SQLE: variants seen among roughly 807,000 people sequenced by gnomAD.
SQLE encodes the protein squalene monooxygenase.
In SQLE, 29 loss-of-function variants were observed where a neutral mutation model predicts 60.7. That is an observed-to-expected ratio of 0.48 (90% CI 0.36 to 0.65). SQLE has a LOEUF of 0.65. Among genes scored for constraint, SQLE ranks in the 30% least tolerant of loss-of-function variants. SQLE has a pLI of 0.00. For missense variants in SQLE, 605 were observed against 684.1 expected, an observed-to-expected ratio of 0.88 and a Z score of 1.29; for synonymous variants, 237 against 246.8, an observed-to-expected ratio of 0.96 and a Z score of 0.37.
intron 7 of SQLE, among the ~76,000 whole-genome samples, chr8:125,017,026 T>G (rs1041325362): frequency 2.0e-5 from 3 of 152,108 alleles, no homozygotes; most frequent in African/African-American, 2.4e-5. Flanking sequence ...GTGACACAGG[T>G]ATGCCTGTGG....
At chr8:125,005,412 T>C (rs1158235624) in intron 2 of SQLE, 113 bp from the exon 3 acceptor site, 2 of 942,498 alleles carry the variant, frequency 2.1e-6, no homozygotes, top group Non-Finnish European at 3.0e-6. Context: ...TGTTCAGTTC[T>C]CCAGATTTGA....
chr8:124,999,099 GA>G lies in SQLE; in HGVS notation c.-298del, dbSNP rs898552598. 1.2e-5 allele frequency: 4 copies of G among 331,094 alleles called. No individual in the cohort carries two copies. Among genetic ancestry groups the G allele is most frequent in the South Asian group, 1.5e-4 (1 of 6,708 alleles). 20.5% of individuals were successfully genotyped at this position (331,094 alleles called of 1,614,324 possible). On this transcript the variant is annotated 5_prime_UTR_variant, in exon 1 of 11. Coordinates refer to ENST00000265896, the MANE Select transcript of SQLE (RefSeq NM_003129.4). ...CCGCTCAGGGAACACCATCAAAAAAGAAAAAAAGGGAATATCTGGATTTCCT... is the reference window on the plus strand; with the variant it reads ...CCGCTCAGGGAACACCATCAAAAAAGAAAAAAGGGAATATCTGGATTTCCT...
Position 124,999,351 on chromosome 8 carries a change from C to T in SQLE, c.-53C>T, listed in dbSNP as rs1814802245. Reference sequence around the variant, plus strand: ...CATTTTGGGGAGAACCTTAAACCCACTCGAGCAGATAATCTCCGCCTTGAC... The same window carrying T: ...CATTTTGGGGAGAACCTTAAACCCATTCGAGCAGATAATCTCCGCCTTGAC... On this transcript the variant is annotated 5_prime_UTR_variant, in exon 1 of 11. Transcript: ENST00000265896. 2 of 1,466,636 alleles carry T rather than the reference C, an allele frequency of 1.4e-6. No individual in the cohort carries two copies. The allele number at this position is 1,466,636 out of a possible 1,614,324, so 90.9% of individuals were successfully genotyped here.
intron 10 of SQLE, among the ~76,000 whole-genome samples, chr8:125,021,541 A>AAG (rs1554588624): frequency 0.048 from 6,676 of 139,536 alleles, 354 homozygotes; most frequent in South Asian, 0.16. Context: ...AAAAAAAAAA[A>AAG]GGGGGGTGGG....
At chr8:125,012,658 A>G (rs1188383997) in intron 7 of SQLE, among the ~76,000 whole-genome samples, 1 of 152,198 alleles carries the variant, frequency 6.6e-6, no homozygotes, top group African/African-American at 2.4e-5. Context: ...CCATTCATCA[A>G]TTGATAGATA....
At chr8:125,015,341 C>G (rs1301565678) in intron 7 of SQLE, among the ~76,000 whole-genome samples, 3 of 151,992 alleles carry the variant, frequency 2.0e-5, no homozygotes, top group African/African-American at 7.2e-5. Context: ...TTTTTTAAAT[C>G]CATTCAGCCA....
At position 125,005,672 on chromosome 8, in the gene SQLE, T is replaced by C. The variant is rs757197524; in HGVS notation, c.692T>C (p.Met231Thr). Reference sequence around the variant, plus strand: ...GCTTTCCATCACGGAAGATTCATCATGAGTCTCCGGAAAGCAGCTATGGCA... The same window carrying C: ...GCTTTCCATCACGGAAGATTCATCACGAGTCTCCGGAAAGCAGCTATGGCA... ...GRAFHHGRFI[M>T]SLRKAAMAEP... The change falls in exon 3 of 11, where the codon ATG becomes ACG. Residue 231 changes from methionine (M) to threonine (T), a missense_variant. By Grantham distance (81) the Met-to-Thr change is moderately conservative (BLOSUM62 -1). Coordinates refer to ENST00000265896, the MANE Select transcript of SQLE (RefSeq NM_003129.4). 25 of 1,604,586 alleles carry C rather than the reference T, an allele frequency of 1.6e-5. No homozygotes were observed. The Admixed American group carries it at 4.2e-4, about 27-fold the overall frequency.
At position 124,999,004 on chromosome 8, in the gene SQLE, T is replaced by C; in HGVS notation, c.-400T>C. The stretch of plus-strand genomic sequence containing the variant: ...TCCCATTCCCTTCTGAAAGGGCACC[T>C]GCTCTTGGTGAGAAAAGAAATTATA... On this transcript the variant is annotated 5_prime_UTR_variant, in exon 1 of 11. Coordinates refer to ENST00000265896, the MANE Select transcript of SQLE (RefSeq NM_003129.4). 1 of 278,474 alleles carries C rather than the reference T, an allele frequency of 3.6e-6. No individual in the cohort carries two copies. The highest frequency in any genetic ancestry group is 6.4e-5 in the East Asian group (1 of 15,668). 17.3% of individuals were successfully genotyped at this position (278,474 alleles called of 1,614,324 possible).
chr8:125,003,013 T>A (rs1242231047), intron 1 of SQLE, among the ~76,000 whole-genome samples, 163 bp from the exon 2 acceptor site: 1 of 152,254 alleles, frequency 6.6e-6, no homozygotes, highest in African/African-American at 2.4e-5. Context: ...CATTGATTTT[T>A]ATATATTATC....
At chr8:125,010,090 G>A (rs1350300681) in intron 6 of SQLE, among the ~76,000 whole-genome samples, 1 of 152,160 alleles carries the variant, frequency 6.6e-6, no homozygotes, top group Non-Finnish European at 1.5e-5. Context: ...GGAGAACTAA[G>A]GTTCAGAGAG....
chr8:125,007,196 AATG>A (rs1212570712), intron 3 of SQLE, among the ~76,000 whole-genome samples, 192 bp from the exon 4 acceptor site: 1 of 152,172 alleles, frequency 6.6e-6, no homozygotes, highest in Non-Finnish European at 1.5e-5. Flanking sequence ...AATGATTACT[AATG>A]ATTACTAATG....
At chr8:125,018,589 T>G in intron 8 of SQLE, 42 bp from the exon 9 acceptor site, 7 of 1,392,040 alleles carry the variant, frequency 5.0e-6, no homozygotes, top group Non-Finnish European at 6.9e-6. Flanking sequence ...GTTTGTGCTT[T>G]TTTATCCTTA....
chr8:125,001,488 G>GTGTA (rs1186944800), intron 1 of SQLE, among the ~76,000 whole-genome samples: 18 of 113,716 alleles, frequency 1.6e-4, no homozygotes, highest in Non-Finnish European at 3.0e-4. Context: ...GTGTGTGTGT[G>GTGTA]TATATAAAAC....
intron 1 of SQLE, among the ~76,000 whole-genome samples, chr8:125,001,578 T>TAGTC (rs1814853909): frequency 6.6e-6 from 1 of 151,468 alleles, no homozygotes; most frequent in South Asian, 2.1e-4. Flanking sequence ...AATTTAAATA[T>TAGTC]AGTCAGTTCT....
chr8:125,003,497 T>A, intron 2 of SQLE, 69 bp downstream of exon 2: 2 of 1,517,378 alleles, frequency 1.3e-6, no homozygotes, highest in South Asian at 2.6e-5. Context: ...GACCATCCTA[T>A]GACCAGTAAG....
chr8:125,003,508 A>G, intron 2 of SQLE, 80 bp downstream of exon 2: 1 of 1,458,692 alleles, frequency 6.9e-7, no homozygotes, highest in Non-Finnish European at 9.2e-7. Context: ...GACCAGTAAG[A>G]AGGTATTCCA....
At position 125,000,684 on chromosome 8, in the gene SQLE, C is replaced by T. The variant is rs182319119; in HGVS notation, c.291+990C>T. Among the ~76,000 whole-genome samples, 99 of 152,126 alleles carry T rather than the reference C, an allele frequency of 6.5e-4. 1 individual carries two copies. The East Asian group carries it at 0.018, about 28-fold the overall frequency. ...GGCCAGGCTGGTCTCGAACTCCTGA[C>T]CTTAAGTGATCCGCCTGCCTCAGCC... On this transcript the variant is annotated intron_variant, in intron 1 of 10. Transcript: ENST00000265896.
In SQLE at chr8:125,020,786, T is replaced by G. The variant is rs1481666283; in HGVS notation, c.1447T>G (p.Ser483Ala). 1 of 1,606,806 alleles carries G rather than the reference T, an allele frequency of 6.2e-7. No individual in the cohort carries two copies. Among genetic ancestry groups the G allele is most frequent in the South Asian group, 1.1e-5 (1 of 90,694 alleles). The change falls in exon 10 of 11, where the codon TCC (serine) becomes GCC (alanine). Residue 483 changes from serine to alanine, a missense_variant and splice_region_variant. Transcript: ENST00000265896. ...LYELFSATDDSLHQLRKACFL... is the reference protein window; with the variant it reads ...LYELFSATDDALHQLRKACFL... Reference sequence around the variant, plus strand: ...ATTATTTTACAATTTTATTTTAGATTCCCTGCATCAACTAAGAAAAGCCTG... The same window carrying G: ...ATTATTTTACAATTTTATTTTAGATGCCCTGCATCAACTAAGAAAAGCCTG...
intron 2 of SQLE, among the ~76,000 whole-genome samples, chr8:125,005,120 G>T (rs1218735957): frequency 6.6e-6 from 1 of 151,898 alleles, no homozygotes; most frequent in East Asian, 1.9e-4. Flanking sequence ...TTCCATACTG[G>T]TTTTATTTTA....
Sources: allele counts gnomAD v4.1 joint callset (sites outside exome capture counted in the v4.1 genomes callset), GRCh38; gene constraint gnomAD v4.1.1; transcripts MANE v1.5; gene names NCBI Gene and HGNC (gene_info 2026-07-23, HGNC 2026-07-21).